The following CADM1 variants were observed in gnomAD, a reference collection of about 807,000 sequenced individuals.
CADM1 encodes cell adhesion molecule 1.
In CADM1, 15 loss-of-function variants were observed where a neutral mutation model predicts 53.1. The observed-to-expected ratio is 0.28, with a 90% CI of 0.19 to 0.44. The LOEUF (loss-of-function observed/expected upper bound fraction) is 0.44. Ranked by LOEUF, CADM1 falls within the 20% of genes least tolerant of loss-of-function variation. The probability of loss-of-function intolerance (pLI) is 1.00; values close to 1 mark genes in which losing one functional copy is unlikely to be tolerated. For missense variants in CADM1, 434 were observed against 611.3 expected, an observed-to-expected ratio of 0.71 and a Z score of 3.06; for synonymous variants, 281 against 243.0, an observed-to-expected ratio of 1.16 and a Z score of -1.45.
At chr11:115,289,054 C>T (rs1348238459) in intron 1 of CADM1, among the ~76,000 whole-genome samples, 1 of 152,122 alleles carries the variant, frequency 6.6e-6, no homozygotes, top group Admixed American at 6.5e-5. Flanking sequence ...AAAGCTTAAA[C>T]GTTTCTGGAG....
intron 1 of CADM1, among the ~76,000 whole-genome samples, chr11:115,292,857 C>A (rs748930564): frequency 6.8e-4 from 104 of 152,226 alleles, no homozygotes; most frequent in South Asian, 2.3e-3. Flanking sequence ...ATATTGTTTT[C>A]TTTTTGAACA....
chr11:115,404,377 ATATATATATATG>A (rs1947257641), intron 1 of CADM1, among the ~76,000 whole-genome samples: 1 of 116,576 alleles, frequency 8.6e-6, no homozygotes, highest in Non-Finnish European at 1.8e-5. Context: ...ATATATATAT[ATATATATATATG>A]GCCCATTTGC....
chr11:115,272,482 T>C (rs1273617537), intron 1 of CADM1, among the ~76,000 whole-genome samples: 1 of 152,146 alleles, frequency 6.6e-6, no homozygotes, highest in African/African-American at 2.4e-5. Context: ...TACAGCTAGA[T>C]TATTATGAGT....
intron 9 of CADM1, among the ~76,000 whole-genome samples, chr11:115,197,656 T>C (rs975458895): frequency 2.0e-5 from 3 of 152,196 alleles, no homozygotes; most frequent in Non-Finnish European, 4.4e-5. Context: ...CCAGTTTTTA[T>C]CACTTTGTGG....
chr11:115,453,799 G>A (rs192213540), intron 1 of CADM1, among the ~76,000 whole-genome samples: 3 of 152,274 alleles, frequency 2.0e-5, no homozygotes, highest in Non-Finnish European at 1.5e-5. Context: ...CAAAGAGGTA[G>A]AGCCTCATCA....
intron 1 of CADM1, among the ~76,000 whole-genome samples, chr11:115,362,610 G>GT (rs997022259): frequency 4.9e-4 from 75 of 152,078 alleles, no homozygotes; most frequent in African/African-American, 1.7e-3. Flanking sequence ...TATTAGAGAG[G>GT]TTTTTTTTAG....
chr11:115,383,021 ACT>A (rs1434510920), intron 1 of CADM1, among the ~76,000 whole-genome samples: 3 of 152,222 alleles, frequency 2.0e-5, no homozygotes, highest in African/African-American at 4.8e-5. Flanking sequence ...CCTTCTTAAA[ACT>A]CTGACATATC....
rs188105769 is a variant in CADM1, at chr11:115,387,481, T to C, written c.124+116790A>G. Among the ~76,000 whole-genome samples the C allele has an allele frequency of 7.7e-4, 117 of 152,224 alleles. 1 individual carries two copies. The highest frequency in any genetic ancestry group is 2.5e-3 in the African/African-American group (103 of 41,552). ...TGAAGAGAGGTGAGAAAAAGAATAA[T>C]ATAAGTTACGAACTCAAAATTTTAC... On this transcript the variant is annotated intron_variant, in intron 1 of 11. Coordinates refer to ENST00000331581, the MANE Select transcript of CADM1 (RefSeq NM_001301043.2).
chr11:115,398,396 T>C (rs1947056684), intron 1 of CADM1, among the ~76,000 whole-genome samples: 2 of 152,186 alleles, frequency 1.3e-5, no homozygotes, highest in Non-Finnish European at 2.9e-5. Flanking sequence ...TTAGAGGTAT[T>C]TGAGCCATAT....
chr11:115,257,314 A>C (rs1239373308), intron 1 of CADM1, among the ~76,000 whole-genome samples: 1 of 152,196 alleles, frequency 6.6e-6, no homozygotes, highest in Admixed American at 6.5e-5. Context: ...AATGATTAAA[A>C]ATACTGTGAG....
chr11:115,501,865 C>T (rs1402608373), intron 1 of CADM1, among the ~76,000 whole-genome samples: 1 of 151,976 alleles, frequency 6.6e-6, no homozygotes, highest in Non-Finnish European at 1.5e-5. Flanking sequence ...GGTATGGGAC[C>T]CCGGAATGAG....
chr11:115,253,354 T>C (rs1427973411), intron 1 of CADM1, among the ~76,000 whole-genome samples: 1 of 152,192 alleles, frequency 6.6e-6, no homozygotes, highest in Non-Finnish European at 1.5e-5. Flanking sequence ...TATTGAGACC[T>C]TTCCTGCTTT....
chr11:115,400,637 A>ATGTGTG (rs1166167079), intron 1 of CADM1, among the ~76,000 whole-genome samples: 11 of 85,996 alleles, frequency 1.3e-4, no homozygotes, highest in African/African-American at 4.6e-4. Context: ...TGTATCATAT[A>ATGTGTG]TATGTGTGTG....
At chr11:115,179,513 G>A (rs1349782747) in intron 10 of CADM1, among the ~76,000 whole-genome samples, 1 of 152,158 alleles carries the variant, frequency 6.6e-6, no homozygotes, top group Non-Finnish European at 1.5e-5. Flanking sequence ...GACATGTTTG[G>A]CTGGGGAACA....
rs566401876 is a variant in CADM1 at position 115,275,252 on chromosome 11, C to G, written c.125-34832G>C. Among the ~76,000 whole-genome samples the G allele has an allele frequency of 1.6e-4, 24 of 152,288 alleles. 1 individual carries two copies. The South Asian group carries it at 4.8e-3, about 30-fold the overall frequency. On this transcript the variant is annotated intron_variant, in intron 1 of 11. Coordinates refer to ENST00000331581, the MANE Select transcript of CADM1 (RefSeq NM_001301043.2). Reference sequence around the variant, plus strand: ...ACCCATGTCCTCCTCTCGCCCACGTCTTTCTCACCCCTTGGCTGCCCAATC... The same window carrying G: ...ACCCATGTCCTCCTCTCGCCCACGTGTTTCTCACCCCTTGGCTGCCCAATC...
At chr11:115,444,004 C>CAAATT (rs1414284723) in intron 1 of CADM1, among the ~76,000 whole-genome samples, 1 of 151,976 alleles carries the variant, frequency 6.6e-6, no homozygotes, top group Non-Finnish European at 1.5e-5. Context: ...TTCTGAAATC[C>CAAATT]AAATTAACAT....
At chr11:115,246,169 G>A (rs1270676937) in intron 1 of CADM1, among the ~76,000 whole-genome samples, 1 of 152,214 alleles carries the variant, frequency 6.6e-6, no homozygotes, top group East Asian at 1.9e-4. Context: ...TTCTGAGACA[G>A]GCAAATATCA....
chr11:115,312,378 T>C (rs1944554617), intron 1 of CADM1, among the ~76,000 whole-genome samples: 1 of 152,148 alleles, frequency 6.6e-6, no homozygotes, highest in South Asian at 2.1e-4. Context: ...CAAGCAATTC[T>C]ACACTGAAGC....
At chr11:115,470,734 T>A (rs1948994419) in intron 1 of CADM1, among the ~76,000 whole-genome samples, 2 of 152,206 alleles carry the variant, frequency 1.3e-5, no homozygotes, top group South Asian at 4.1e-4. Flanking sequence ...GTAGAGTTAA[T>A]AAAAGCTACC....
Sources: gnomAD v4.1 joint callset for allele counts (sites outside exome capture counted in the v4.1 genomes callset) on GRCh38, gnomAD v4.1.1 for gene constraint, MANE v1.5 for transcripts, NCBI Gene and HGNC (gene_info 2026-07-23, HGNC 2026-07-21) for gene names.